CNOT1: variants seen among roughly 807,000 people sequenced by gnomAD.
CNOT1 encodes the protein CCR4-NOT transcription complex subunit 1.
A neutral mutation model predicts 273.8 loss-of-function variants in CNOT1; 15 were observed. The ratio of observed to expected loss-of-function variants is 0.05; its 90% confidence interval spans 0.04 to 0.08. The LOEUF is 0.08. Ranked by LOEUF, CNOT1 falls within the 10% of genes least tolerant of loss-of-function variation. The pLI is 1.00. For missense variants in CNOT1, 1,644 were observed against 2,912.2 expected (o/e 0.56, Z 10.02); for synonymous variants, 1,022 against 1,005.5 (o/e 1.02, Z -0.31).
chr16:58,559,837 G>A (rs1567406896), intron 17 of CNOT1: 1 of 530,928 alleles, frequency 1.9e-6, no homozygotes, highest in Non-Finnish European at 3.7e-6. Flanking sequence ...GTTGAGAGCT[G>A]AAGAGCCCCA....
At chr16:58,598,341 T>C (rs2042335400) in intron 2 of CNOT1, among the ~76,000 whole-genome samples, 2 of 144,952 alleles carry the variant, frequency 1.4e-5, no homozygotes, top group African/African-American at 5.2e-5. Context: ...GTGGTTGCAG[T>C]GAGCTGAGAT....
intron 1 of CNOT1, among the ~76,000 whole-genome samples, chr16:58,612,843 G>C (rs2042946557): frequency 6.6e-6 from 1 of 152,140 alleles, no homozygotes. Flanking sequence ...TAAAATCTTA[G>C]TTATAACTAT....
chr16:58,532,932 T>C (rs2039815425), intron 40 of CNOT1: 2 of 154,998 alleles, frequency 1.3e-5, no homozygotes. Context: ...TGTTTTAATA[T>C]TCAAATTTCC....
chr16:58,625,267 C>T (rs1377278563), intron 1 of CNOT1, among the ~76,000 whole-genome samples: 1 of 152,126 alleles, frequency 6.6e-6, no homozygotes, highest in Non-Finnish European at 1.5e-5. Flanking sequence ...AATCACAGCA[C>T]TTTGGGAGGC....
At chr16:58,537,353 G>GA in intron 38 of CNOT1, 133 bp from the exon 39 acceptor site, 1 of 1,300,896 alleles carries the variant, frequency 7.7e-7, no homozygotes, top group South Asian at 1.7e-5. Flanking sequence ...CTTCCACACT[G>GA]AAACAAAACT....
intron 17 of CNOT1, chr16:58,559,992 AAATT>A (rs1323657769): frequency 7.7e-6 from 10 of 1,304,730 alleles, no homozygotes; most frequent in Non-Finnish European, 1.1e-5. Flanking sequence ...TTACCTAAAT[AAATT>A]GTCTGTATAT....
chr16:58,616,977 T>C (rs2043110705), intron 1 of CNOT1, among the ~76,000 whole-genome samples: 1 of 152,180 alleles, frequency 6.6e-6, no homozygotes, highest in South Asian at 2.1e-4. Context: ...AAAAAAACAC[T>C]GAAGAGCAGT....
chr16:58,611,047 A>C (rs554685185), intron 1 of CNOT1, among the ~76,000 whole-genome samples: 4 of 152,076 alleles, frequency 2.6e-5, no homozygotes, highest in African/African-American at 9.6e-5. Context: ...TAAATAAATA[A>C]ATTTAAAAAA....
intron 39 of CNOT1, 146 bp from the exon 40 acceptor site, chr16:58,534,541 A>G: frequency 9.7e-7 from 1 of 1,027,490 alleles, no homozygotes; most frequent in Non-Finnish European, 1.4e-6. Flanking sequence ...ATGTATTATC[A>G]GAATTATTTT....
chr16:58,580,684 G>C lies in CNOT1; in HGVS notation c.1292C>G (p.Thr431Ser), dbSNP rs759101676. ...FADYPCHTVATDILKAPPEDD... is the reference protein window; with the variant it reads ...FADYPCHTVASDILKAPPEDD... The stretch of plus-strand genomic sequence containing the variant: ...CTCTGGTGGTGCTTTCAGAATATCA[G>C]TGGCAACAGTATGACAGGGATAGTC... Residue 431 changes from threonine (T) to serine (S), a missense_variant, in exon 12 of 49, where the codon ACT becomes AGT. By Grantham distance (58) the Thr-to-Ser change is moderately conservative. Coordinates refer to ENST00000317147, the MANE Select transcript of CNOT1 (RefSeq NM_016284.5). 6 of 1,613,472 alleles carry C rather than the reference G, an allele frequency of 3.7e-6. No homozygotes were observed. The South Asian group carries it at 4.4e-5, about 12-fold the overall frequency.
intron 16 of CNOT1, among the ~76,000 whole-genome samples, chr16:58,574,012 A>G (rs1461545173): frequency 6.6e-6 from 1 of 152,050 alleles, no homozygotes; most frequent in Non-Finnish European, 1.5e-5. Context: ...GCACTTTGGG[A>G]GGCTGTGGCA....
chr16:58,574,502 A>G (rs1446202168), intron 16 of CNOT1, 107 bp downstream of exon 16: 1 of 1,100,064 alleles, frequency 9.1e-7, no homozygotes, highest in African/African-American at 1.6e-5. Context: ...AAACCATTGG[A>G]CCATTTTAAA....
intron 2 of CNOT1, among the ~76,000 whole-genome samples, chr16:58,594,794 T>C (rs1268999077): frequency 1.4e-5 from 2 of 146,612 alleles, no homozygotes; most frequent in Non-Finnish European, 3.0e-5. Context: ...AGACCAATAC[T>C]GTCTCATTAA....
chr16:58,538,691 C>A (rs1009603553), intron 36 of CNOT1, 81 bp downstream of exon 36: 2 of 1,568,484 alleles, frequency 1.3e-6, no homozygotes, highest in African/African-American at 2.7e-5. Context: ...AAAAGGGAAA[C>A]CCCTGGACAT....
rs201221047 is a variant in CNOT1 at position 58,597,536 on chromosome 16, C to CA, written c.102+1699dup. On this transcript the variant is annotated intron_variant, in intron 2 of 48. Coordinates refer to ENST00000317147, the MANE Select transcript of CNOT1 (RefSeq NM_016284.5). ...AAACACTGCACCACCCTCCTCAACA[C>CA]AAAAAAAAGTTGAGAATGAATGTAA... 846 of 260,238 alleles carry CA rather than the reference C, an allele frequency of 3.3e-3. 10 individuals are homozygous for CA. The highest frequency in any genetic ancestry group is 0.017 in the African/African-American group (722 of 43,278). 16.1% of individuals were successfully genotyped at this position (260,238 alleles called of 1,614,324 possible). A position where few individuals can be genotyped will look rare whatever the true frequency, so the allele number is the denominator to read the frequency against.
chr16:58,545,336 G>C (rs766475859), intron 30 of CNOT1, 25 bp downstream of exon 30: 2 of 1,605,694 alleles, frequency 1.2e-6, no homozygotes, highest in South Asian at 2.2e-5. Context: ...CTAGAAGCTG[G>C]GAGAATGGAG....
At chr16:58,530,511 G>C (rs1442065034) in intron 42 of CNOT1, 164 bp from the exon 43 acceptor site, 2 of 454,568 alleles carry the variant, frequency 4.4e-6, no homozygotes, top group Non-Finnish European at 7.7e-6. Context: ...GGCCAGGCAC[G>C]GTGGCTGACG....
Position 58,543,934 on chromosome 16 carries a change from C to G in CNOT1, c.4138-31G>C, listed in dbSNP as rs373998312. 16 of 1,559,308 alleles carry G rather than the reference C, an allele frequency of 1.0e-5. No individual in the cohort carries two copies. In the African/African-American group the frequency reaches 1.9e-4, roughly 19 times the overall value. ...GGGTTGGGGAGGACAAAGTCAACAC[C>G]TTGTTTAAATAAGACAATCCAATTC... On this transcript the variant is annotated intron_variant, in intron 30 of 48. Transcript: ENST00000317147.
At chr16:58,625,774 C>A (rs1597632423) in intron 1 of CNOT1, among the ~76,000 whole-genome samples, 1 of 150,810 alleles carries the variant, frequency 6.6e-6, no homozygotes, top group Non-Finnish European at 1.5e-5. Context: ...GAGAGACTGA[C>A]CTGAGACCAG....
Sources: gnomAD v4.1 joint callset for allele counts (sites outside exome capture counted in the v4.1 genomes callset) on GRCh38, gnomAD v4.1.1 for gene constraint, MANE v1.5 for transcripts, NCBI Gene and HGNC (gene_info 2026-07-23, HGNC 2026-07-21) for gene names.